WDR72: variants seen among roughly 807,000 people sequenced by gnomAD.
WDR72 encodes WD repeat domain 72, also known as WD repeat-containing protein 72.
WDR72 carries 120 observed loss-of-function variants against 124.2 expected under a neutral mutation model. That is an observed-to-expected ratio of 0.97 (90% CI 0.83 to 1.12). The LOEUF (loss-of-function observed/expected upper bound fraction) is 1.12. Among genes scored for constraint, WDR72 ranks in the 50% most tolerant of loss-of-function variants. The pLI, the probability that WDR72 is intolerant of heterozygous loss-of-function variation, is 0.00. For synonymous variants in WDR72, 452 were observed against 441.7 expected (o/e 1.02, Z -0.29); for missense variants, 1,387 against 1,278.8 (o/e 1.08, Z -1.29).
chr15:53,525,644 G>T (rs1198119729), intron 18 of WDR72, among the ~76,000 whole-genome samples: 3 of 151,934 alleles, frequency 2.0e-5, no homozygotes, highest in Non-Finnish European at 2.9e-5. Flanking sequence ...CTTCAAAAAG[G>T]CCAGAAAGTT....
chr15:53,560,704 A>C (rs577757661), intron 18 of WDR72, among the ~76,000 whole-genome samples: 1 of 152,002 alleles, frequency 6.6e-6, no homozygotes, highest in Admixed American at 6.6e-5. Context: ...AGTTTCAATG[A>C]CTGGAATTTA....
intron 18 of WDR72, among the ~76,000 whole-genome samples, chr15:53,558,480 T>G (rs8026810): frequency 6.6e-6 from 1 of 151,908 alleles, no homozygotes; most frequent in African/African-American, 2.4e-5. Flanking sequence ...CATTAAATAT[T>G]ACTCCATAGA....
chr15:53,516,869 G>T lies in WDR72; in HGVS notation c.*830C>A, dbSNP rs1026275850. The T allele has an allele frequency of 6.6e-6, 1 of 151,966 alleles. No homozygotes were observed. The highest frequency in any genetic ancestry group is 2.4e-5 in the African/African-American group (1 of 41,418). The allele number at this position is 151,966 out of a possible 1,614,324, so 9.4% of individuals were successfully genotyped here. A position where few individuals can be genotyped will look rare whatever the true frequency, so the allele number is the denominator to read the frequency against. On this transcript the variant is annotated 3_prime_UTR_variant, in exon 20 of 20. Coordinates refer to ENST00000360509, the MANE Select transcript of WDR72 (RefSeq NM_182758.4). ...GCACTTTATGTCTATTCCTATTTATGCTGTTTGATATATTTCAGTTTTAGA... is the reference window on the plus strand; with the variant it reads ...GCACTTTATGTCTATTCCTATTTATTCTGTTTGATATATTTCAGTTTTAGA...
At chr15:53,732,842 ATT>A (rs1486398950) in intron 2 of WDR72, among the ~76,000 whole-genome samples, 153 bp downstream of exon 2, 5 of 152,194 alleles carry the variant, frequency 3.3e-5, no homozygotes, top group African/African-American at 1.2e-4. Flanking sequence ...ATAATACTTT[ATT>A]TTCTCAAAAT....
intron 14 of WDR72, among the ~76,000 whole-genome samples, chr15:53,655,617 G>A (rs1431749245): frequency 1.3e-5 from 2 of 152,066 alleles, no homozygotes; most frequent in African/African-American, 2.4e-5. Context: ...AGAATCAATG[G>A]AGAAGGCCAC....
In WDR72 at chr15:53,706,350, GTATA is replaced by G. The variant is rs56246540; in HGVS notation, c.955-280_955-277del. The stretch of plus-strand genomic sequence containing the variant: ...TATGTGCGTGTGTGTGTGTGTGTGT[GTATA>G]TATATATATATATATATATATATAT... On this transcript the variant is annotated intron_variant, in intron 9 of 19. Coordinates refer to ENST00000360509, the MANE Select transcript of WDR72 (RefSeq NM_182758.4). Among the ~76,000 whole-genome samples the G allele has an allele frequency of 6.1e-3, 156 of 25,678 alleles. 1 individual carries two copies. Among genetic ancestry groups the G allele is most frequent in the East Asian group, 0.012 (8 of 666 alleles). The allele number at this position is 25,678 out of a possible 152,430, so 16.8% of individuals were successfully genotyped here.
intron 13 of WDR72, among the ~76,000 whole-genome samples, chr15:53,694,873 C>G (rs2016955006): frequency 6.6e-6 from 1 of 152,176 alleles, no homozygotes; most frequent in Non-Finnish European, 1.5e-5. Flanking sequence ...AATCATCATT[C>G]TCAGGGGTCT....
intron 14 of WDR72, among the ~76,000 whole-genome samples, chr15:53,641,693 T>A (rs2014857277): frequency 1.3e-5 from 2 of 151,998 alleles, no homozygotes; most frequent in African/African-American, 4.8e-5. Context: ...CTCTTGCATA[T>A]TTCTTATGAA....
intron 13 of WDR72, among the ~76,000 whole-genome samples, chr15:53,679,530 T>G (rs2016304605): frequency 6.6e-6 from 1 of 152,020 alleles, no homozygotes; most frequent in Non-Finnish European, 1.5e-5. Context: ...CATATGAGGC[T>G]GAGGATGGAG....
At chr15:53,518,833 GT>G (rs1178087589) in intron 19 of WDR72, among the ~76,000 whole-genome samples, 1 of 151,838 alleles carries the variant, frequency 6.6e-6, no homozygotes, top group South Asian at 2.1e-4. Context: ...GAGAAATCTA[GT>G]TTTGGTCATC....
At chr15:53,746,384 A>T (rs1379112360) in intron 1 of WDR72, among the ~76,000 whole-genome samples, 1 of 152,182 alleles carries the variant, frequency 6.6e-6, no homozygotes, top group African/African-American at 2.4e-5. Context: ...ACATAGACAA[A>T]TCTCAAACCC....
chr15:53,592,863 G>T (rs568988179), intron 18 of WDR72, among the ~76,000 whole-genome samples: 1 of 152,100 alleles, frequency 6.6e-6, no homozygotes, highest in Admixed American at 6.6e-5. Flanking sequence ...AGCCTCAAAT[G>T]TAAGTGTTAA....
chr15:53,563,686 T>A (rs1014338994), intron 18 of WDR72, among the ~76,000 whole-genome samples: 3 of 151,772 alleles, frequency 2.0e-5, no homozygotes, highest in African/African-American at 7.3e-5. Flanking sequence ...GATTTTTTTT[T>A]AATCTGAAAT....
intron 18 of WDR72, among the ~76,000 whole-genome samples, chr15:53,557,250 G>C (rs1182505388): frequency 2.0e-5 from 3 of 152,090 alleles, no homozygotes; most frequent in Non-Finnish European, 4.4e-5. Flanking sequence ...GTTCTTGCCT[G>C]TTTTCTAAGT....
chr15:53,547,141 G>T (rs566794465), intron 18 of WDR72, among the ~76,000 whole-genome samples: 6 of 152,272 alleles, frequency 3.9e-5, no homozygotes, highest in Admixed American at 2.0e-4. Context: ...AAACAACAAG[G>T]ATGCCCACTG....
At chr15:53,651,619 A>G (rs534773430) in intron 14 of WDR72, among the ~76,000 whole-genome samples, 1 of 152,286 alleles carries the variant, frequency 6.6e-6, no homozygotes, top group Non-Finnish European at 1.5e-5. Flanking sequence ...AAATAGTGGC[A>G]AAATAATTAG....
At chr15:53,661,219 A>G (rs2015599117) in intron 14 of WDR72, among the ~76,000 whole-genome samples, 1 of 152,162 alleles carries the variant, frequency 6.6e-6, no homozygotes, top group South Asian at 2.1e-4. Flanking sequence ...GGAATACCTG[A>G]TGCTGAGTAA....
intron 14 of WDR72, among the ~76,000 whole-genome samples, chr15:53,641,154 G>C (rs1199674675): frequency 1.3e-5 from 2 of 151,548 alleles, no homozygotes; most frequent in Non-Finnish European, 2.9e-5. Flanking sequence ...TAGAGAGTTG[G>C]GATATAATTT....
chr15:53,710,528 A>G (rs1269637674), intron 9 of WDR72, among the ~76,000 whole-genome samples: 1 of 152,242 alleles, frequency 6.6e-6, no homozygotes, highest in Non-Finnish European at 1.5e-5. Flanking sequence ...AATACATACA[A>G]CAAAGTAAAA....
Sources: allele counts gnomAD v4.1 joint callset (sites outside exome capture counted in the v4.1 genomes callset), GRCh38; gene constraint gnomAD v4.1.1; transcripts MANE v1.5; gene names NCBI Gene and HGNC (gene_info 2026-07-23, HGNC 2026-07-21).